The following GNAI1 variants were observed in gnomAD, a reference collection of about 807,000 sequenced individuals.
GNAI1 encodes the protein G protein subunit alpha i1.
A neutral mutation model predicts 38.9 loss-of-function variants in GNAI1; 11 were observed. The ratio of observed to expected loss-of-function variants is 0.28; its 90% CI spans 0.18 to 0.47. GNAI1 has a LOEUF of 0.47. Ranked by LOEUF, GNAI1 falls within the 20% of genes least tolerant of loss-of-function variation. The pLI, the probability that GNAI1 is intolerant of heterozygous loss-of-function variation, is 0.99. For synonymous variants in GNAI1, 166 were observed against 145.1 expected, an observed-to-expected ratio of 1.14 and a Z score of -1.04; for missense variants, 317 against 436.9, an observed-to-expected ratio of 0.73 and a Z score of 2.45.
rs1340582828 is a variant in GNAI1 at position 80,212,590 on chromosome 7, G to GT, written c.721-125dup. On this transcript the variant is annotated intron_variant, in intron 6 of 7. Transcript: ENST00000649796. Reference sequence around the variant, plus strand: ...AAGTGTGTTCTGAAATGGCAGAAATGTATTTTTGTGATACGTATTTTTCAA... The same window carrying GT: ...AAGTGTGTTCTGAAATGGCAGAAATGTTATTTTTGTGATACGTATTTTTCAA... 1.3e-5 allele frequency: 7 copies of GT among 552,914 alleles called. No individual in the cohort carries two copies. The Admixed American group carries it at 2.5e-4, about 20-fold the overall frequency. 34.3% of individuals were successfully genotyped at this position (552,914 alleles called of 1,614,324 possible). A position where few individuals can be genotyped will look rare whatever the true frequency, so the allele number is the denominator to read the frequency against.
At position 80,219,709 on chromosome 7, in the gene GNAI1, C is replaced by A. The variant is rs1349504205; in HGVS notation, c.*2216C>A. On this transcript the variant is annotated 3_prime_UTR_variant, in exon 8 of 8. Coordinates refer to ENST00000649796, the MANE Select transcript of GNAI1 (RefSeq NM_002069.6). ...TTACTAAGTACCATCATCATTTATT[C>A]CTTCAATGGGGAACTTTTTAGTTTA... Among the ~76,000 whole-genome samples the A allele has an allele frequency of 6.6e-6, 1 of 152,130 alleles. No homozygotes were observed. Among genetic ancestry groups the A allele is most frequent in the Non-Finnish European group, 1.5e-5 (1 of 68,032 alleles).
intron 1 of GNAI1, among the ~76,000 whole-genome samples, chr7:80,146,869 A>G (rs1322706678): frequency 6.6e-6 from 1 of 152,304 alleles, no homozygotes; most frequent in East Asian, 1.9e-4. Flanking sequence ...CATGTTCTAG[A>G]TATTCACATG....
intron 1 of GNAI1, among the ~76,000 whole-genome samples, chr7:80,163,256 C>T (rs1024924437): frequency 3.9e-5 from 6 of 152,024 alleles, no homozygotes; most frequent in Non-Finnish European, 8.8e-5. Flanking sequence ...CATAATTTTA[C>T]TTTTGTAATC....
chr7:80,211,664 C>G (rs1360931635), intron 6 of GNAI1, among the ~76,000 whole-genome samples: 1 of 152,108 alleles, frequency 6.6e-6, no homozygotes, highest in Non-Finnish European at 1.5e-5. Context: ...GATGAGCCAC[C>G]CATCTCGGCC....
chr7:80,204,245 A>AT, intron 5 of GNAI1, among the ~76,000 whole-genome samples: 1 of 151,966 alleles, frequency 6.6e-6, no homozygotes, highest in African/African-American at 2.4e-5. Context: ...ACCTTTAACA[A>AT]TTTTTTCGTG....
rs35545354 is a variant in GNAI1, at chr7:80,199,301, T to C, written c.380T>C (p.Ile127Thr). ...ATGACTGCAGAACTTGCTGGAGTTA[T>C]AAAGAGATTGTGGAAAGATAGTGGT... The part of the protein sequence containing the change: ...GFMTAELAGV[I>T]KRLWKDSGVQ... The change falls in exon 4 of 8, where the codon ATA becomes ACA. Residue 127 changes from isoleucine to threonine, a missense_variant. By Grantham distance (89) the Ile-to-Thr change is moderately conservative. Transcript: ENST00000649796. 4.2e-3 allele frequency: 6,758 copies of C among 1,613,382 alleles called. 15 individuals are homozygous for C. Among genetic ancestry groups the C allele is most frequent in the Non-Finnish European group, 5.4e-3 (6,333 of 1,179,450 alleles).
At chr7:80,173,677 G>A (rs1271162819) in intron 1 of GNAI1, among the ~76,000 whole-genome samples, 6 of 152,142 alleles carry the variant, frequency 3.9e-5, no homozygotes, top group Admixed American at 3.3e-4. Context: ...GTGATGTTCT[G>A]TGCCTCCCTA....
intron 1 of GNAI1, among the ~76,000 whole-genome samples, chr7:80,149,859 C>A (rs1418244690): frequency 6.6e-6 from 1 of 152,006 alleles, no homozygotes; most frequent in African/African-American, 2.4e-5. Flanking sequence ...TCAGGATATA[C>A]AAACTAAAGT....
intron 1 of GNAI1, among the ~76,000 whole-genome samples, chr7:80,186,288 C>T (rs750656001): frequency 3.3e-5 from 5 of 152,134 alleles, no homozygotes; most frequent in Non-Finnish European, 7.3e-5. Context: ...GCCTCAGCCT[C>T]CCAAAGTGCT....
intron 3 of GNAI1, among the ~76,000 whole-genome samples, chr7:80,193,708 T>G (rs759062679): frequency 2.4e-4 from 36 of 152,304 alleles, no homozygotes; most frequent in Middle Eastern, 3.4e-3. Context: ...AAATTAAATG[T>G]AAGCATTGGG....
rs370282898 is a variant in GNAI1, at chr7:80,211,101, A to G, written c.720+3A>G. ...TTCTAGCTGAAGATGAAGAAATGGC[A>G]AGTAGAACTACTTTAAGAGTTGAGC... On this transcript the variant is annotated splice_donor_region_variant and intron_variant, in intron 6 of 7. Transcript: ENST00000649796. 6.2e-7 allele frequency: 1 copy of G among 1,612,540 alleles called. No individual in the cohort carries two copies. Among genetic ancestry groups the G allele is most frequent in the Non-Finnish European group, 8.5e-7 (1 of 1,178,934 alleles).
Position 80,183,890 on chromosome 7 carries a change from T to G in GNAI1, c.119-5061T>G, listed in dbSNP as rs550329301. 9.1e-4 allele frequency among the ~76,000 whole-genome samples: 139 copies of G among 152,262 alleles called. 1 individual carries two copies. Among genetic ancestry groups the G allele is most frequent in the South Asian group, 5.4e-3 (26 of 4,830 alleles). On this transcript the variant is annotated intron_variant, in intron 1 of 7. Transcript: ENST00000649796. Reference sequence around the variant, plus strand: ...CTCCCACCGTCTTGACTTGATGCATTTCCCTTTCCTGGATCCTACCGGTAG... The same window carrying G: ...CTCCCACCGTCTTGACTTGATGCATGTCCCTTTCCTGGATCCTACCGGTAG...
At chr7:80,172,738 G>A (rs184323474) in intron 1 of GNAI1, among the ~76,000 whole-genome samples, 2 of 152,198 alleles carry the variant, frequency 1.3e-5, no homozygotes, top group African/African-American at 4.8e-5. Flanking sequence ...CCTGTTCAGC[G>A]GCATTTTTTA....
intron 7 of GNAI1, 30 bp downstream of exon 7, chr7:80,212,899 A>G (rs930517286): frequency 1.4e-6 from 2 of 1,448,826 alleles, no homozygotes; most frequent in African/African-American, 1.5e-5. Flanking sequence ...ATAACTTGTC[A>G]AGTTACATAT....
chr7:80,170,017 T>A (rs1290607040), intron 1 of GNAI1, among the ~76,000 whole-genome samples: 1 of 152,222 alleles, frequency 6.6e-6, no homozygotes, highest in Admixed American at 6.5e-5. Context: ...TTCTTTTTCA[T>A]AGCTGAGTAA....
intron 3 of GNAI1, among the ~76,000 whole-genome samples, chr7:80,195,409 A>G (rs905937062): frequency 6.6e-6 from 1 of 151,752 alleles, no homozygotes; most frequent in Non-Finnish European, 1.5e-5. Flanking sequence ...TCCTCAAGAC[A>G]TTTTTACTTT....
At chr7:80,138,648 T>C (rs1256423321) in intron 1 of GNAI1, among the ~76,000 whole-genome samples, 4 of 152,212 alleles carry the variant, frequency 2.6e-5, no homozygotes, top group African/African-American at 4.8e-5. Context: ...CTTGTACTTA[T>C]GAAATATTAT....
chr7:80,180,438 G>A (rs1000944220), intron 1 of GNAI1, among the ~76,000 whole-genome samples: 10 of 151,828 alleles, frequency 6.6e-5, no homozygotes, highest in Admixed American at 2.6e-4. Flanking sequence ...CTTTTGATTT[G>A]GCATACCTCT....
rs1554353980 is a variant in GNAI1, at chr7:80,219,027, T to TTTG, written c.*1535_*1536insTGT. 1 of 145,836 alleles carries TTTG rather than the reference T, an allele frequency of 6.9e-6. No individual in the cohort carries two copies. Among genetic ancestry groups the TTTG allele is most frequent in the African/African-American group, 2.5e-5 (1 of 39,220 alleles). The allele number at this position is 145,836 out of a possible 1,614,324, so 9.0% of individuals were successfully genotyped here. A position where few individuals can be genotyped will look rare whatever the true frequency, so the allele number is the denominator to read the frequency against. ...GTGTTGTCACTGGGTTGAAGTATAT[T>TTTG]TGTGTGTGTGTGTGTGTGTGTGTGT... is the stretch of plus-strand genomic sequence containing the variant. On this transcript the variant is annotated 3_prime_UTR_variant, in exon 8 of 8. Transcript: ENST00000649796.
Sources: allele counts gnomAD v4.1 joint callset (sites outside exome capture counted in the v4.1 genomes callset), GRCh38; gene constraint gnomAD v4.1.1; transcripts MANE v1.5; gene names NCBI Gene and HGNC (gene_info 2026-07-23, HGNC 2026-07-21).